The following SMG5 variants were observed in gnomAD, a reference collection of about 807,000 sequenced individuals.
SMG5 encodes the protein nonsense-mediated mRNA decay factor SMG5.
SMG5 carries 53 observed loss-of-function variants against 122.9 expected under a neutral mutation model. That is an observed-to-expected ratio of 0.43 (90% CI 0.35 to 0.54). SMG5 has a LOEUF of 0.54. Ranked by LOEUF, SMG5 falls within the 20% of genes least tolerant of loss-of-function variation. SMG5 has a pLI of 0.01. For synonymous variants in SMG5, 477 were observed against 490.2 expected, an observed-to-expected ratio of 0.97 and a Z score of 0.35; for missense variants, 1,153 against 1,285.6, an observed-to-expected ratio of 0.90 and a Z score of 1.58.
At chr1:156,281,188 C>T (rs1459171029) in intron 1 of SMG5, among the ~76,000 whole-genome samples, 1 of 152,216 alleles carries the variant, frequency 6.6e-6, no homozygotes, top group Non-Finnish European at 1.5e-5. Flanking sequence ...TCAAAGCCAA[C>T]AACACAATTA....
chr1:156,289,752 A>G, the SMG5 span, among the ~76,000 whole-genome samples: 3 of 152,356 alleles, frequency 2.0e-5, no homozygotes, highest in Admixed American at 6.5e-5. Flanking sequence ...GAATCATGTA[A>G]TAAGTGGTCC....
chr1:156,276,417 G>A (rs1219609787), intron 4 of SMG5, among the ~76,000 whole-genome samples: 12 of 152,214 alleles, frequency 7.9e-5, no homozygotes, highest in African/African-American at 1.9e-4. Flanking sequence ...ATGAGCCACC[G>A]TGCCCGGTCT....
At chr1:156,260,749 C>T in intron 14 of SMG5, 123 bp from the exon 15 acceptor site, 4 of 878,348 alleles carry the variant, frequency 4.6e-6, no homozygotes, top group Non-Finnish European at 6.5e-6. Context: ...TACCCTAGGA[C>T]AGTGCGGAGA....
Position 156,277,959 on chromosome 1 carries a change from T to C in SMG5, c.263A>G (p.Tyr88Cys), listed in dbSNP as rs773896101. ...AGTCTTGATAAGCTGGATAACTTCA[T>C]AGTATACCTTTCTCCACAGCAGCTC... The part of the protein sequence containing the change: ...AEELLWRKVY[Y>C]EVIQLIKTNK... Residue 88 changes from tyrosine to cysteine, a missense_variant, in exon 3 of 22, where the codon TAT becomes TGT. By Grantham distance (194) the Tyr-to-Cys change is radical. Transcript: ENST00000361813. 6.2e-7 allele frequency: 1 copy of C among 1,614,152 alleles called. No individual in the cohort carries two copies. The highest frequency in any genetic ancestry group is 1.1e-5 in the South Asian group (1 of 91,086).
intron 7 of SMG5, among the ~76,000 whole-genome samples, chr1:156,271,273 G>A (rs1036641987): frequency 5.3e-5 from 8 of 152,206 alleles, no homozygotes; most frequent in African/African-American, 1.9e-4. Context: ...TTTACTATTT[G>A]GATATACTTT....
At chr1:156,252,850 G>A (rs959501541) in intron 18 of SMG5, 69 bp downstream of exon 18, 6 of 1,436,110 alleles carry the variant, frequency 4.2e-6, no homozygotes, top group Non-Finnish European at 5.5e-6. Flanking sequence ...CCCAAATAAG[G>A]TCTCTTAATC....
Position 156,281,537 on chromosome 1 carries a change from C to T in SMG5, c.74+1070G>A, listed in dbSNP as rs189101744. Among the ~76,000 whole-genome samples the T allele has an allele frequency of 8.5e-5, 13 of 152,334 alleles. No individual in the cohort carries two copies. In the East Asian group the frequency reaches 2.5e-3, roughly 29 times the overall value. Reference sequence around the variant, plus strand: ...TTTTTGGAGCAGCCTATACTCCCCTCTGCCTCTGGCTTACAAAGCCAGAGA... The same window carrying T: ...TTTTTGGAGCAGCCTATACTCCCCTTTGCCTCTGGCTTACAAAGCCAGAGA... On this transcript the variant is annotated intron_variant, in intron 1 of 21. Transcript: ENST00000361813.
intron 7 of SMG5, among the ~76,000 whole-genome samples, chr1:156,271,509 C>T (rs186880616): frequency 4.0e-5 from 6 of 149,798 alleles, no homozygotes; most frequent in Admixed American, 6.7e-5. Flanking sequence ...TTGGTTACAG[C>T]GACTTGTATG....
chr1:156,265,025 CA>C (rs1251043369), intron 12 of SMG5, among the ~76,000 whole-genome samples: 4 of 99,342 alleles, frequency 4.0e-5, no homozygotes, highest in African/African-American at 8.5e-5. Context: ...GACTCTGTCT[CA>C]AAAAAAAAAT....
In SMG5 at chr1:156,272,376, G is replaced by A; in HGVS notation, c.657C>T (p.Gly219=). 6.2e-7 allele frequency: 1 copy of A among 1,602,742 alleles called. No individual in the cohort carries two copies. The highest frequency in any genetic ancestry group is 8.5e-7 in the Non-Finnish European group (1 of 1,173,366). The change falls in exon 7 of 22, where the codon GGC becomes GGT. Residue 219 remains glycine, a synonymous_variant. Transcript: ENST00000361813. The part of the protein sequence containing the change: ...PQIGMPFNQL[G]TLAGSKYYNV... ...TATAGTACTTGCTGCCTGCCAGGGT[G>A]CCCAGCTGATTGAAGGGCATTCCTA...
At chr1:156,285,774 G>A (rs754263392), upstream of SMG5, 1 of 1,613,484 alleles carries the variant, frequency 6.2e-7, no homozygotes, top group Admixed American at 1.7e-5. Flanking sequence ...AGGCCGCCTG[G>A]CTGTTCCTGT....
At chr1:156,251,243 G>T in intron 20 of SMG5, 160 bp downstream of exon 20, 1 of 957,974 alleles carries the variant, frequency 1.0e-6, no homozygotes, top group Non-Finnish European at 1.6e-6. Flanking sequence ...AGGTGCTGCG[G>T]CAACTTCGTA....
intron 4 of SMG5, 99 bp downstream of exon 4, chr1:156,276,986 T>C: frequency 8.1e-7 from 1 of 1,236,740 alleles, no homozygotes; most frequent in Non-Finnish European, 1.1e-6. Context: ...TAGAACTCTC[T>C]CTGCCTGGCT....
upstream of SMG5, chr1:156,285,186 T>G: frequency 6.6e-7 from 1 of 1,513,660 alleles, no homozygotes; most frequent in Non-Finnish European, 8.8e-7. Context: ...CCCTGCAGGA[T>G]GACATGACCT....
At chr1:156,283,136 C>G, upstream of SMG5, 2 of 303,368 alleles carry the variant, frequency 6.6e-6, no homozygotes, top group Non-Finnish European at 6.0e-6. Context: ...CTGCCCCTTT[C>G]CCGCCTCCCC....
the SMG5 span, among the ~76,000 whole-genome samples, chr1:156,288,954 C>T: frequency 1.3e-5 from 2 of 152,202 alleles, no homozygotes; most frequent in African/African-American, 2.4e-5. Context: ...CCAGGCTTCC[C>T]ATTTTACAAA....
intron 7 of SMG5, among the ~76,000 whole-genome samples, chr1:156,271,242 T>C (rs917677605): frequency 6.6e-6 from 1 of 152,224 alleles, no homozygotes; most frequent in Non-Finnish European, 1.5e-5. Context: ...TTCATTATTT[T>C]ATACTTTATT....
the SMG5 span, among the ~76,000 whole-genome samples, chr1:156,288,930 A>G: frequency 1.3e-5 from 2 of 152,228 alleles, no homozygotes; most frequent in African/African-American, 4.8e-5. Flanking sequence ...AGGAAGACTC[A>G]GTGATTGTCT....
chr1:156,268,012 C>A (rs1315456332), intron 9 of SMG5, 103 bp downstream of exon 9: 5 of 1,218,510 alleles, frequency 4.1e-6, no homozygotes, highest in Non-Finnish European at 5.9e-6. Flanking sequence ...GATGTTCAAA[C>A]TGAGGGCAGA....
Sources: gnomAD v4.1 joint callset for allele counts (sites outside exome capture counted in the v4.1 genomes callset) on GRCh38, gnomAD v4.1.1 for gene constraint, MANE v1.5 for transcripts, NCBI Gene and HGNC (gene_info 2026-07-23, HGNC 2026-07-21) for gene names.